Variants in TANGO2 observed in about 807,000 individuals in gnomAD.
TANGO2 encodes transport and Golgi organization protein 2 homolog.
TANGO2 carries 26 observed loss-of-function variants against 39.1 expected under a neutral mutation model. The ratio of observed to expected loss-of-function variants is 0.67; its 90% CI spans 0.49 to 0.92. The LOEUF (loss-of-function observed/expected upper bound fraction) is 0.92, where lower values mean the gene tolerates loss of function less well. Ranked by LOEUF, TANGO2 falls within the 40% of genes least tolerant of loss-of-function variation. The pLI is 0.00. For missense variants in TANGO2, 326 were observed against 360.1 expected (o/e 0.91, Z 0.77); for synonymous variants, 131 against 144.5 (o/e 0.91, Z 0.67).
chr22:20,061,681 G>T lies in TANGO2; in HGVS notation c.603G>T (p.Glu201Asp). 1 of 1,546,520 alleles carries T rather than the reference G, an allele frequency of 6.5e-7. No homozygotes were observed. ...ASLLDVLNNE[E>D]AQLPDPAIED... ...TCCTGGATGTGCTCAACAATGAAGAGGCGTGAGTGGGCGGGTCCTGCTGGG... is the reference window on the plus strand; with the variant it reads ...TCCTGGATGTGCTCAACAATGAAGATGCGTGAGTGGGCGGGTCCTGCTGGG... The change falls in exon 7 of 9, where the codon GAG becomes GAT. Residue 201 changes from glutamate to aspartate, a missense_variant and splice_region_variant. Coordinates refer to ENST00000327374, the MANE Select transcript of TANGO2 (RefSeq NM_152906.7).
chr22:20,062,411 CA>C (rs1410613731), intron 7 of TANGO2, among the ~76,000 whole-genome samples: 13 of 152,148 alleles, frequency 8.5e-5, no homozygotes, highest in Non-Finnish European at 2.9e-5. Flanking sequence ...TTCAGAGAAG[CA>C]CCCATGGACC....
intron 6 of TANGO2, chr22:20,056,640 A>G (rs2047410523): frequency 2.2e-6 from 1 of 456,454 alleles, no homozygotes; most frequent in African/African-American, 2.0e-5. Context: ...CAGTGCCCCA[A>G]CCTGGAGAGA....
chr22:20,051,740 C>T (rs922315984), intron 3 of TANGO2, among the ~76,000 whole-genome samples: 2 of 151,850 alleles, frequency 1.3e-5, no homozygotes, highest in African/African-American at 4.8e-5. Flanking sequence ...GTGGTCCCAG[C>T]TACTTGGGCT....
At chr22:20,064,170 C>G (rs955791345) in intron 8 of TANGO2, among the ~76,000 whole-genome samples, 1 of 152,240 alleles carries the variant, frequency 6.6e-6, no homozygotes, top group Non-Finnish European at 1.5e-5. Context: ...AACAGCTTGA[C>G]CTCTTGGAAG....
chr22:20,020,159 G>A (rs1369680274), upstream of TANGO2, among the ~76,000 whole-genome samples: 1 of 152,220 alleles, frequency 6.6e-6, no homozygotes, highest in Non-Finnish European at 1.5e-5. Flanking sequence ...ACTGCTCCAA[G>A]TCTCAGTGTT....
chr22:20,039,178 C>T (rs1400067526), intron 2 of TANGO2, among the ~76,000 whole-genome samples: 1 of 151,068 alleles, frequency 6.6e-6, no homozygotes, highest in Non-Finnish European at 1.5e-5. Flanking sequence ...AAGTGATCCT[C>T]CTGCCTCAGC....
chr22:20,035,767 C>T (rs964349505), intron 1 of TANGO2, among the ~76,000 whole-genome samples: 12 of 152,038 alleles, frequency 7.9e-5, no homozygotes, highest in African/African-American at 2.7e-4. Flanking sequence ...CCACTGGTGG[C>T]GTGTGGGGTG....
At chr22:20,061,869 G>A in intron 7 of TANGO2, 186 bp downstream of exon 7, 1 of 759,394 alleles carries the variant, frequency 1.3e-6, no homozygotes, top group South Asian at 2.2e-5. Context: ...TCCAACACCA[G>A]GGACTTTTGA....
At position 20,063,299 on chromosome 22, in the gene TANGO2, C is replaced by A. The variant is rs761205130; in HGVS notation, c.606-39C>A. 7 of 1,592,690 alleles carry A rather than the reference C, an allele frequency of 4.4e-6. No homozygotes were observed. In the Admixed American group the frequency reaches 1.0e-4, roughly 23 times the overall value. ...GCTAGACCCGGCTGCGGGCGGGCCA[C>A]AGAGGGACTAATGGCCACCACTTCT... On this transcript the variant is annotated intron_variant, in intron 7 of 8. Coordinates refer to ENST00000327374, the MANE Select transcript of TANGO2 (RefSeq NM_152906.7).
chr22:20,041,535 A>C (rs2043938335), intron 2 of TANGO2, among the ~76,000 whole-genome samples: 1 of 151,892 alleles, frequency 6.6e-6, no homozygotes, highest in Admixed American at 6.6e-5. Flanking sequence ...GATGGTCTCG[A>C]TCTCTTGACC....
upstream of TANGO2, among the ~76,000 whole-genome samples, chr22:20,019,910 T>C (rs2039445472): frequency 6.6e-6 from 1 of 152,198 alleles, no homozygotes; most frequent in African/African-American, 2.4e-5. Context: ...GGAGTCCTTG[T>C]AAAAGGTTCT....
chr22:20,033,437 C>T (rs551286485), intron 1 of TANGO2, among the ~76,000 whole-genome samples: 38 of 152,362 alleles, frequency 2.5e-4, no homozygotes, highest in Non-Finnish European at 5.0e-4. Flanking sequence ...GTCTGTCCTA[C>T]GTGTATCAGT....
At chr22:20,031,737 G>A (rs1480793650) in intron 1 of TANGO2, among the ~76,000 whole-genome samples, 4 of 152,236 alleles carry the variant, frequency 2.6e-5, no homozygotes, top group South Asian at 2.1e-4. Context: ...GCACCCTGGC[G>A]GGGATCAGCA....
intron 2 of TANGO2, chr22:20,037,148 A>G (rs2147092033): frequency 1.3e-6 from 2 of 1,491,118 alleles, no homozygotes; most frequent in South Asian, 2.7e-5. Flanking sequence ...ATGGGCTTTG[A>G]GGAGGGTCGG....
chr22:20,029,885 G>A (rs1283120615), intron 1 of TANGO2, among the ~76,000 whole-genome samples: 1 of 152,224 alleles, frequency 6.6e-6, no homozygotes, highest in African/African-American at 2.4e-5. Flanking sequence ...TCTACTGGGG[G>A]TGGTTAAGTG....
intron 3 of TANGO2, among the ~76,000 whole-genome samples, chr22:20,046,744 A>G (rs2045294575): frequency 6.6e-6 from 1 of 151,994 alleles, no homozygotes; most frequent in Admixed American, 6.6e-5. Context: ...GGTTTGCTGC[A>G]CCCATCAACT....
Position 20,064,923 on chromosome 22 carries a change from A to T in TANGO2, c.*261A>T. On this transcript the variant is annotated 3_prime_UTR_variant, in exon 9 of 9. Coordinates refer to ENST00000327374, the MANE Select transcript of TANGO2 (RefSeq NM_152906.7). Reference sequence around the variant, plus strand: ...AGGTATACCATGAACATGTGGATACACCTGAGCCCACTCTTGCACATGTAC... The same window carrying T: ...AGGTATACCATGAACATGTGGATACTCCTGAGCCCACTCTTGCACATGTAC... 1 of 453,608 alleles carries T rather than the reference A, an allele frequency of 2.2e-6. No individual in the cohort carries two copies. Among genetic ancestry groups the T allele is most frequent in the Non-Finnish European group, 4.0e-6 (1 of 249,898 alleles). The allele number at this position is 453,608 out of a possible 1,614,324, so 28.1% of individuals were successfully genotyped here.
intron 5 of TANGO2, chr22:20,055,596 T>G: frequency 2.4e-5 from 9 of 377,570 alleles, no homozygotes; most frequent in Non-Finnish European, 2.5e-5. Context: ...AGGTTGGTGA[T>G]GTGGGGATGG....
chr22:20,019,204 C>T (rs2039393630), upstream of TANGO2: 1 of 152,242 alleles, frequency 6.6e-6, no homozygotes, highest in African/African-American at 2.4e-5. Context: ...GCTGTGAGGC[C>T]CCCGGAGAAA....
Sources: allele counts gnomAD v4.1 joint callset (sites outside exome capture counted in the v4.1 genomes callset), GRCh38; gene constraint gnomAD v4.1.1; transcripts MANE v1.5; gene names NCBI Gene and HGNC (gene_info 2026-07-23, HGNC 2026-07-21).